Variants in EDARADD observed in about 807,000 individuals in gnomAD.
The protein encoded by EDARADD is EDAR associated via death domain.
A neutral mutation model predicts 25.6 loss-of-function variants in EDARADD; 20 were observed. The observed-to-expected ratio is 0.78, with a 90% confidence interval of 0.55 to 1.14. EDARADD has a LOEUF of 1.14. Ranked by LOEUF, EDARADD falls within the 50% of genes most tolerant of loss-of-function variation. The pLI is 0.00. For missense variants in EDARADD, 225 were observed against 270.1 expected (o/e 0.83, Z 1.17); for synonymous variants, 86 against 94.4 (o/e 0.91, Z 0.52).
At chr1:236,364,118 C>T (rs1444788656) in intron 3 of EDARADD, among the ~76,000 whole-genome samples, 2 of 151,440 alleles carry the variant, frequency 1.3e-5, no homozygotes, top group Non-Finnish European at 2.9e-5. Flanking sequence ...CACCACTGCC[C>T]ATCTCAAAAA....
intron 5 of EDARADD, among the ~76,000 whole-genome samples, chr1:236,481,778 CAA>C (rs36104533): frequency 7.4e-4 from 69 of 93,256 alleles, no homozygotes; most frequent in Admixed American, 1.4e-3. Flanking sequence ...CACCCTGTAT[CAA>C]AAAAAAAAAA....
intron 1 of EDARADD, among the ~76,000 whole-genome samples, chr1:236,399,272 C>T (rs1469640372): frequency 6.6e-6 from 1 of 152,142 alleles, no homozygotes; most frequent in African/African-American, 2.4e-5. Flanking sequence ...ACCTCCACCT[C>T]CTGGGTTCAA....
intron 3 of EDARADD, 29 bp from the exon 4 acceptor site, chr1:236,427,363 C>G (rs371155263): frequency 8.1e-6 from 13 of 1,598,456 alleles, no homozygotes; most frequent in Non-Finnish European, 1.0e-5. Flanking sequence ...CACTTTGTTT[C>G]TTTCTTTCTT....
chr1:236,482,862 A>C lies in EDARADD; in HGVS notation c.*213A>C. The C allele has an allele frequency of 1.5e-6, 1 of 672,510 alleles. No individual in the cohort carries two copies. The highest frequency in any genetic ancestry group is 2.0e-5 in the South Asian group (1 of 50,868). The allele number at this position is 672,510 out of a possible 1,614,324, so 41.7% of individuals were successfully genotyped here. A position where few individuals can be genotyped will look rare whatever the true frequency, so the allele number is the denominator to read the frequency against. ...CACATCTGTTATAATTTAATATTCA[A>C]ATCTGGAATTAAGAAAACATATTTT... On this transcript the variant is annotated 3_prime_UTR_variant, in exon 6 of 6. Coordinates refer to ENST00000334232, the MANE Select transcript of EDARADD (RefSeq NM_145861.4).
chr1:236,438,206 T>C (rs575280342), intron 4 of EDARADD, among the ~76,000 whole-genome samples: 10 of 152,332 alleles, frequency 6.6e-5, no homozygotes, highest in Admixed American at 5.9e-4. Flanking sequence ...CATTTTAACT[T>C]GATTACTTCT....
At chr1:236,477,061 A>G (rs1023925885) in intron 5 of EDARADD, among the ~76,000 whole-genome samples, 1 of 151,878 alleles carries the variant, frequency 6.6e-6, no homozygotes, top group Non-Finnish European at 1.5e-5. Context: ...AAGCAAAAAA[A>G]AAAAAAAGAA....
chr1:236,442,859 A>G (rs934362837), intron 4 of EDARADD, among the ~76,000 whole-genome samples: 1 of 152,332 alleles, frequency 6.6e-6, no homozygotes, highest in East Asian at 1.9e-4. Flanking sequence ...TGCAGCTGCT[A>G]TGGTTTGAAT....
chr1:236,454,302 C>T (rs544095653), intron 4 of EDARADD, among the ~76,000 whole-genome samples: 1 of 152,298 alleles, frequency 6.6e-6, no homozygotes, highest in South Asian at 2.1e-4. Context: ...CCCGCCTTGG[C>T]CTCCCAAAGT....
intron 3 of EDARADD, among the ~76,000 whole-genome samples, chr1:236,425,656 C>G (rs114979005): frequency 0.014 from 2,078 of 152,262 alleles, 47 homozygotes; most frequent in African/African-American, 0.048. Context: ...GTGCTACCAC[C>G]GTCTTTACAG....
chr1:236,478,934 G>A (rs1020591658), intron 5 of EDARADD, among the ~76,000 whole-genome samples: 35 of 152,128 alleles, frequency 2.3e-4, no homozygotes, highest in Admixed American at 1.0e-3. Context: ...ACCAAACATC[G>A]TATGTTCTCA....
intron 4 of EDARADD, among the ~76,000 whole-genome samples, chr1:236,441,509 A>G (rs887470318): frequency 2.0e-5 from 3 of 146,908 alleles, no homozygotes; most frequent in African/African-American, 7.4e-5. Context: ...AATATGTAAT[A>G]TAATATTTAT....
chr1:236,416,439 C>A (rs1553266458), intron 3 of EDARADD, among the ~76,000 whole-genome samples: 1 of 152,174 alleles, frequency 6.6e-6, no homozygotes. Flanking sequence ...TTTTTTGTCA[C>A]TCTTAAGTGT....
At chr1:236,353,553 C>T (rs189092224) in intron 3 of EDARADD, among the ~76,000 whole-genome samples, 20 of 151,964 alleles carry the variant, frequency 1.3e-4, no homozygotes, top group Admixed American at 3.9e-4. Context: ...GTGGTGGGCA[C>T]CTGTAATCCC....
intron 3 of EDARADD, among the ~76,000 whole-genome samples, chr1:236,382,574 T>C (rs752002471): frequency 1.1e-4 from 17 of 152,214 alleles, no homozygotes; most frequent in Non-Finnish European, 2.1e-4. Flanking sequence ...GATATTTTTG[T>C]ATTCCTATAC....
chr1:236,400,613 G>C (rs1667596989), intron 1 of EDARADD, among the ~76,000 whole-genome samples: 1 of 151,778 alleles, frequency 6.6e-6, no homozygotes, highest in Admixed American at 6.6e-5. Context: ...GGAGTGCAAT[G>C]ACACGATCTT....
chr1:236,352,083 C>T (rs627337), intron 3 of EDARADD, among the ~76,000 whole-genome samples: 52,716 of 151,866 alleles, frequency 0.35, 9,446 homozygotes, highest in African/African-American at 0.44. Context: ...GCCAGCTTGG[C>T]CCACACCCTG....
chr1:236,457,823 CAA>C lies in EDARADD; in HGVS notation c.220-10389_220-10388del, dbSNP rs1553269204. Among the ~76,000 whole-genome samples, 834 of 118,202 alleles carry C rather than the reference CAA, an allele frequency of 7.1e-3. 9 individuals are homozygous for C. Among genetic ancestry groups the C allele is most frequent in the African/African-American group, 0.023 (735 of 31,360 alleles). The allele number at this position is 118,202 out of a possible 152,430, so 77.5% of individuals were successfully genotyped here. On this transcript the variant is annotated intron_variant, in intron 4 of 5. Transcript: ENST00000334232. ...GACAGAGCAAGACTCTGTCCCCCAC[CAA>C]AAAAAAAAAAAAAAAAAATCAGGCC...
chr1:236,464,108 C>T (rs1034769267), intron 4 of EDARADD, among the ~76,000 whole-genome samples: 1 of 152,224 alleles, frequency 6.6e-6, no homozygotes, highest in Non-Finnish European at 1.5e-5. Context: ...GCGTGTTCTT[C>T]AGCCATCTCC....
chr1:236,409,533 C>A (rs1209097275), intron 2 of EDARADD, among the ~76,000 whole-genome samples: 1 of 151,314 alleles, frequency 6.6e-6, no homozygotes, highest in Admixed American at 6.6e-5. Context: ...GGGCTTTACC[C>A]ACTTCCCTGG....
Sources: allele counts gnomAD v4.1 joint callset (sites outside exome capture counted in the v4.1 genomes callset), GRCh38; gene constraint gnomAD v4.1.1; transcripts MANE v1.5; gene names NCBI Gene and HGNC (gene_info 2026-07-23, HGNC 2026-07-21).